The following MAML2 variants were observed in gnomAD, a reference collection of about 807,000 sequenced individuals.
The protein encoded by MAML2 is mastermind like transcriptional coactivator 2, also known as mastermind-like protein 2.
MAML2 carries 22 observed loss-of-function variants against 96.1 expected under a neutral mutation model. The ratio of observed to expected loss-of-function variants is 0.23; its 90% CI spans 0.16 to 0.33. MAML2 has a LOEUF of 0.33. MAML2 is among the 10% of genes least tolerant of loss of function. MAML2 has a pLI of 1.00. For synonymous variants in MAML2, 561 were observed against 521.3 expected (o/e 1.08, Z -1.04); for missense variants, 1,367 against 1,392.4 (o/e 0.98, Z 0.29).
chr11:96,252,861 G>A (rs552790357), intron 1 of MAML2, among the ~76,000 whole-genome samples: 164 of 152,270 alleles, frequency 1.1e-3, no homozygotes, highest in African/African-American at 3.8e-3. Flanking sequence ...GAGAAAAGCA[G>A]TTTAATTGTC....
chr11:96,137,780 T>C (rs1437897763), intron 1 of MAML2, among the ~76,000 whole-genome samples: 1 of 152,258 alleles, frequency 6.6e-6, no homozygotes, highest in Non-Finnish European at 1.5e-5. Context: ...AAAATTAGAA[T>C]TTTATAATTG....
At chr11:96,320,256 C>G (rs1565283227) in intron 1 of MAML2, among the ~76,000 whole-genome samples, 1 of 152,226 alleles carries the variant, frequency 6.6e-6, no homozygotes, top group Non-Finnish European at 1.5e-5. Flanking sequence ...AATTCCACCA[C>G]AGCAAACCTA....
chr11:96,023,409 C>T (rs1425933724), intron 2 of MAML2, among the ~76,000 whole-genome samples: 1 of 152,134 alleles, frequency 6.6e-6, no homozygotes, highest in Non-Finnish European at 1.5e-5. Flanking sequence ...CCAGCCTTAC[C>T]GCCTCGCTTT....
intron 1 of MAML2, among the ~76,000 whole-genome samples, chr11:96,093,769 T>C (rs567791063): frequency 6.6e-6 from 1 of 152,338 alleles, no homozygotes; most frequent in South Asian, 2.1e-4. Context: ...GTGGTTCCCA[T>C]GAGTGGTTCA....
chr11:96,025,021 C>T (rs138490608), intron 2 of MAML2, among the ~76,000 whole-genome samples: 7 of 152,266 alleles, frequency 4.6e-5, no homozygotes, highest in African/African-American at 9.6e-5. Flanking sequence ...AACAAACTAC[C>T]GTTCAACCCA....
chr11:96,040,453 A>G (rs1258221620), intron 2 of MAML2, among the ~76,000 whole-genome samples: 1 of 152,184 alleles, frequency 6.6e-6, no homozygotes, highest in East Asian at 1.9e-4. Flanking sequence ...AACAAAAAAC[A>G]AAACATTACC....
At chr11:96,270,567 C>G (rs2082706) in intron 1 of MAML2, among the ~76,000 whole-genome samples, 17,965 of 152,150 alleles carry the variant, frequency 0.12, 1,243 homozygotes, top group Admixed American at 0.23. Context: ...TCTTGGCCTC[C>G]AAAAGTGCTG....
chr11:96,255,699 G>A (rs538096272), intron 1 of MAML2, among the ~76,000 whole-genome samples: 1 of 152,114 alleles, frequency 6.6e-6, no homozygotes, highest in African/African-American at 2.4e-5. Context: ...GGCTGCAGCC[G>A]CCATTTCCAG....
intron 2 of MAML2, among the ~76,000 whole-genome samples, chr11:96,083,142 TC>T (rs1344751518): frequency 1.3e-5 from 2 of 152,192 alleles, no homozygotes; most frequent in East Asian, 1.9e-4. Context: ...CATTCTGATG[TC>T]GGTAGGAGCT....
At chr11:96,044,957 C>G (rs1858872851) in intron 2 of MAML2, among the ~76,000 whole-genome samples, 1 of 152,168 alleles carries the variant, frequency 6.6e-6, no homozygotes, top group Non-Finnish European at 1.5e-5. Flanking sequence ...CATGCACACT[C>G]TTAGGACAGG....
intron 1 of MAML2, among the ~76,000 whole-genome samples, chr11:96,121,696 A>G (rs1860342706): frequency 6.6e-6 from 1 of 151,584 alleles, no homozygotes; most frequent in Non-Finnish European, 1.5e-5. Context: ...CAACATAAAG[A>G]AAAAAAAGAG....
chr11:96,281,161 G>A (rs1227895651), intron 1 of MAML2, among the ~76,000 whole-genome samples: 3 of 152,200 alleles, frequency 2.0e-5, no homozygotes, highest in African/African-American at 4.8e-5. Flanking sequence ...CATAAAAAGT[G>A]TATGTATGGG....
At chr11:96,248,287 T>A (rs1862537415) in intron 1 of MAML2, among the ~76,000 whole-genome samples, 1 of 151,846 alleles carries the variant, frequency 6.6e-6, no homozygotes, top group South Asian at 2.1e-4. Context: ...TAATTTTGTA[T>A]TTTTAGTAGA....
intron 1 of MAML2, among the ~76,000 whole-genome samples, chr11:96,334,625 G>T (rs1320048835): frequency 3.3e-5 from 5 of 152,088 alleles, no homozygotes; most frequent in Non-Finnish European, 7.3e-5. Flanking sequence ...ATTCAAAGAG[G>T]GCAAAGGCTA....
Position 95,985,552 on chromosome 11 carries a change from G to T in MAML2, c.2434C>A (p.Gln812Lys), listed in dbSNP as rs778583345. ...KDQRRNVGNM[Q>K]PTAQYSGGSS... ...TTACCAGAATACTGAGCAGTTGGTT[G>T]CATATTGCCCACATTTCTTCTTTGG... Residue 812 changes from glutamine (Q) to lysine (K), a missense_variant, in exon 4 of 5, where the codon CAA becomes AAA. Gln to Lys is a moderately conservative substitution (Grantham distance 53, BLOSUM62 1). Transcript: ENST00000524717. 4 of 1,607,022 alleles carry T rather than the reference G, an allele frequency of 2.5e-6. No homozygotes were observed. In the Admixed American group the frequency reaches 6.7e-5, roughly 27 times the overall value.
At position 96,236,463 on chromosome 11, in the gene MAML2, T is replaced by A. The variant is rs190680002; in HGVS notation, c.513+104920A>T. On this transcript the variant is annotated intron_variant, in intron 1 of 4. Coordinates refer to ENST00000524717, the MANE Select transcript of MAML2 (RefSeq NM_032427.4). ...TTCAAATAAACATTTTTTTCCCACA[T>A]TCTTTCTGCCTGGAAAATAAAGGTA... Among the ~76,000 whole-genome samples, 1,444 of 152,302 alleles carry A rather than the reference T, an allele frequency of 9.5e-3. 65 individuals are homozygous for A. In the South Asian group the frequency reaches 0.13, roughly 14 times the overall value.
chr11:96,032,558 G>A (rs997906110), intron 2 of MAML2, among the ~76,000 whole-genome samples: 6 of 137,128 alleles, frequency 4.4e-5, no homozygotes, highest in Non-Finnish European at 7.6e-5. Context: ...CTGCACTCTA[G>A]CCTGGGTGAC....
At chr11:96,303,051 A>G (rs1454420005) in intron 1 of MAML2, among the ~76,000 whole-genome samples, 2 of 152,238 alleles carry the variant, frequency 1.3e-5, no homozygotes, top group African/African-American at 4.8e-5. Flanking sequence ...CAGCTCCTGA[A>G]AGATATTGCC....
At chr11:96,107,745 TAATC>T (rs987701981) in intron 1 of MAML2, among the ~76,000 whole-genome samples, 115 of 152,202 alleles carry the variant, frequency 7.6e-4, no homozygotes, top group African/African-American at 2.6e-3. Context: ...GCCAATGATT[TAATC>T]AACCACGTCT....
Sources: allele counts gnomAD v4.1 joint callset (sites outside exome capture counted in the v4.1 genomes callset), GRCh38; gene constraint gnomAD v4.1.1; transcripts MANE v1.5; gene names NCBI Gene and HGNC (gene_info 2026-07-23, HGNC 2026-07-21).